Variants in PTPRN2 observed in about 807,000 individuals in gnomAD.
PTPRN2 encodes protein tyrosine phosphatase receptor type N2.
In PTPRN2, 74 loss-of-function variants were observed where a neutral mutation model predicts 118.8. That is an observed-to-expected ratio of 0.62 (90% confidence interval 0.52 to 0.76). PTPRN2 has a LOEUF of 0.76. PTPRN2 is among the 30% of genes least tolerant of loss of function. The pLI is 0.00. For missense variants in PTPRN2, 1,481 were observed against 1,394.4 expected (o/e 1.06, Z -0.99); for synonymous variants, 641 against 608.0 (o/e 1.05, Z -0.80).
At chr7:157,624,441 T>C (rs1395624324) in intron 14 of PTPRN2, among the ~76,000 whole-genome samples, 2 of 151,598 alleles carry the variant, frequency 1.3e-5, no homozygotes, top group African/African-American at 4.8e-5. Context: ...AAAAGTGCAT[T>C]GAACACAGGT....
chr7:158,008,103 G>T (rs12670210), intron 11 of PTPRN2, among the ~76,000 whole-genome samples: 7,289 of 145,914 alleles, frequency 0.05, 215 homozygotes, highest in Admixed American at 0.084. Flanking sequence ...GCTGTGTGTG[G>T]GGGTGTGCTG....
intron 3 of PTPRN2, among the ~76,000 whole-genome samples, chr7:158,311,513 C>T (rs753163155): frequency 1.3e-5 from 2 of 152,158 alleles, no homozygotes; most frequent in African/African-American, 4.8e-5. Flanking sequence ...TGAAATAATG[C>T]TGCCTGTAGT....
chr7:157,653,097 G>A (rs577320781), intron 14 of PTPRN2, among the ~76,000 whole-genome samples: 56 of 152,324 alleles, frequency 3.7e-4, no homozygotes, highest in Admixed American at 1.0e-3. Flanking sequence ...TCCGCTCTTG[G>A]TGCTGAGCCT....
intron 12 of PTPRN2, among the ~76,000 whole-genome samples, chr7:157,724,824 G>T (rs189292534): frequency 6.6e-6 from 1 of 152,178 alleles, no homozygotes; most frequent in African/African-American, 2.4e-5. Flanking sequence ...CTGAGGCGGG[G>T]ACCATCTGTG....
intron 12 of PTPRN2, among the ~76,000 whole-genome samples, chr7:157,697,864 C>T (rs1797881166): frequency 6.7e-6 from 1 of 149,592 alleles, no homozygotes; most frequent in East Asian, 2.0e-4. Flanking sequence ...AGAGCCCTCA[C>T]CATCTACTCA....
chr7:157,918,849 C>A (rs775640353), intron 11 of PTPRN2, among the ~76,000 whole-genome samples: 1 of 152,188 alleles, frequency 6.6e-6, no homozygotes, highest in Non-Finnish European at 1.5e-5. Context: ...GCCTGAGGGA[C>A]GGAAGGGCCT....
At chr7:157,628,802 C>T (rs1803758531) in intron 14 of PTPRN2, among the ~76,000 whole-genome samples, 1 of 152,228 alleles carries the variant, frequency 6.6e-6, no homozygotes, top group African/African-American at 2.4e-5. Flanking sequence ...AGTTCCCTCC[C>T]ACGCTCTGTG....
At chr7:157,989,280 G>A (rs537162461) in intron 11 of PTPRN2, among the ~76,000 whole-genome samples, 131 of 152,246 alleles carry the variant, frequency 8.6e-4, no homozygotes, top group African/African-American at 3.0e-3. Context: ...TAAGCTAGGC[G>A]TGGTGGCGCA....
At chr7:158,282,403 G>C (rs916010224) in intron 3 of PTPRN2, among the ~76,000 whole-genome samples, 2 of 152,230 alleles carry the variant, frequency 1.3e-5, no homozygotes, top group African/African-American at 4.8e-5. Flanking sequence ...TAGAAGTACT[G>C]CGGGGCCATG....
At position 158,316,811 on chromosome 7, in the gene PTPRN2, C is replaced by T. The variant is rs534450866; in HGVS notation, c.277+8G>A. On this transcript the variant is annotated splice_region_variant and intron_variant, in intron 3 of 22. Transcript: ENST00000389418. ...CAGCCGCCGAGCCTCGGCCCACGCC[C>T]GCCCTACCTGTGCCGGAAAGCTTCT... 3.7e-5 allele frequency: 59 copies of T among 1,590,058 alleles called. No individual in the cohort carries two copies. Among genetic ancestry groups the T allele is most frequent in the Admixed American group, 5.2e-5 (3 of 57,888 alleles).
At chr7:158,196,532 C>T (rs1826224933) in intron 4 of PTPRN2, among the ~76,000 whole-genome samples, 1 of 152,062 alleles carries the variant, frequency 6.6e-6, no homozygotes, top group African/African-American at 2.4e-5. Context: ...GTCATGACCA[C>T]ACTGAGTCCA....
At chr7:158,357,483 C>T (rs1808482055) in intron 2 of PTPRN2, among the ~76,000 whole-genome samples, 1 of 152,232 alleles carries the variant, frequency 6.6e-6, no homozygotes, top group African/African-American at 2.4e-5. Context: ...AAGGCCAGAC[C>T]CCGGACAAGG....
chr7:157,790,379 A>G (rs958130177), intron 12 of PTPRN2, among the ~76,000 whole-genome samples: 5 of 151,826 alleles, frequency 3.3e-5, no homozygotes, highest in African/African-American at 4.8e-5. Flanking sequence ...CAGGTCCTGG[A>G]GTACATGCTC....
At chr7:158,073,763 T>C (rs1812132376) in intron 11 of PTPRN2, among the ~76,000 whole-genome samples, 1 of 151,128 alleles carries the variant, frequency 6.6e-6, no homozygotes, top group Admixed American at 6.6e-5. Context: ...AGCATTCGCT[T>C]ATGGACAAAG....
chr7:158,014,529 A>G (rs1806295393), intron 11 of PTPRN2, among the ~76,000 whole-genome samples: 1 of 150,826 alleles, frequency 6.6e-6, no homozygotes. Flanking sequence ...CCAACTACCC[A>G]TCTATCCATC....
intron 11 of PTPRN2, among the ~76,000 whole-genome samples, chr7:157,928,805 G>A (rs1191926279): frequency 1.4e-5 from 2 of 142,692 alleles, no homozygotes; most frequent in Non-Finnish European, 3.0e-5. Flanking sequence ...GGGATAGAGG[G>A]CAGGAGAAAG....
At chr7:158,310,328 C>G (rs1563116015) in intron 3 of PTPRN2, among the ~76,000 whole-genome samples, 2 of 152,236 alleles carry the variant, frequency 1.3e-5, no homozygotes, top group African/African-American at 2.4e-5. Flanking sequence ...TCTTAGAGAA[C>G]AGCTCGGCCA....
At chr7:158,044,960 T>C (rs1808738809) in intron 11 of PTPRN2, among the ~76,000 whole-genome samples, 1 of 152,184 alleles carries the variant, frequency 6.6e-6, no homozygotes, top group African/African-American at 2.4e-5. Flanking sequence ...CAACAACTTC[T>C]CTTCCTTAGA....
chr7:158,078,769 C>T (rs976336396), intron 11 of PTPRN2, among the ~76,000 whole-genome samples: 8 of 152,264 alleles, frequency 5.3e-5, no homozygotes, highest in African/African-American at 1.9e-4. Context: ...CCAGTCACCA[C>T]ACATGGGCAT....
Sources: gnomAD v4.1 joint callset for allele counts (sites outside exome capture counted in the v4.1 genomes callset) on GRCh38, gnomAD v4.1.1 for gene constraint, MANE v1.5 for transcripts, NCBI Gene and HGNC (gene_info 2026-07-23, HGNC 2026-07-21) for gene names.